Variants in GAS5 observed in about 807,000 individuals in gnomAD.
GAS5 encodes growth arrest specific 5 (non-protein coding).
At chr1:173,865,467 G>A (rs2235095) in intron 6 of GAS5, 53,135 of 507,852 alleles carry the variant, frequency 0.1, 3,576 homozygotes, top group East Asian at 0.33. Flanking sequence ...AATAAAACAT[G>A]TACCTTTAAA....
chr1:173,866,897 C>A (rs1376747115), intron 1 of GAS5: 1 of 765,464 alleles, frequency 1.3e-6, no homozygotes, highest in East Asian at 2.4e-5. Context: ...AATAGAATTT[C>A]AGAAATCCCT....
At chr1:173,866,194 TTCTG>T (rs1284162895) in exon 4 of GAS5, 27 of 470,748 alleles carry the variant, frequency 5.7e-5, no homozygotes, top group Middle Eastern at 3.6e-4. Flanking sequence ...ACTTCCAGCT[TTCTG>T]TCTAATGCCT....
At chr1:173,867,419 G>A, upstream of GAS5, 1 of 361,636 alleles carries the variant, frequency 2.8e-6, no homozygotes, top group Non-Finnish European at 5.4e-6. Context: ...GGGAGGCTGA[G>A]GCAGAACTGC....
upstream of GAS5, chr1:173,867,960 C>G (rs1199473133): frequency 2.9e-6 from 1 of 346,460 alleles, no homozygotes; most frequent in Admixed American, 3.7e-5. Flanking sequence ...TAAAACATAC[C>G]TCACAGGAGT....
At chr1:173,867,226 C>G (rs568454831), upstream of GAS5, 12 of 535,020 alleles carry the variant, frequency 2.2e-5, no homozygotes, top group East Asian at 3.6e-4. Flanking sequence ...CAGTTAAGAA[C>G]CACCGATGGC....
chr1:173,864,330 C>G (rs762327616), intron 6 of GAS5: 3 of 516,854 alleles, frequency 5.8e-6, no homozygotes, highest in Non-Finnish European at 1.2e-5. Context: ...ACATATTAAT[C>G]AGGGCAAAAT....
chr1:173,866,433 AAG>A (rs1386226235), intron 3 of GAS5: 20 of 598,534 alleles, frequency 3.3e-5, no homozygotes, highest in East Asian at 7.5e-5. Flanking sequence ...CTCATTTGAA[AAG>A]AGGGGAGAGA....
chr1:173,865,876 C>A, exon 5 of GAS5: 1 of 518,098 alleles, frequency 1.9e-6, no homozygotes, highest in Non-Finnish European at 3.9e-6. Flanking sequence ...TAAGCTGGTC[C>A]AGGCAAGTTG....
chr1:173,867,940 T>C (rs1655072708), upstream of GAS5: 5 of 360,428 alleles, frequency 1.4e-5, no homozygotes, highest in Admixed American at 1.1e-4. Flanking sequence ...ACCCGCAACA[T>C]TCGCAAAGAT....
intron 5 of GAS5, chr1:173,865,663 G>A (rs1654474299): frequency 1.9e-6 from 1 of 519,080 alleles, no homozygotes; most frequent in African/African-American, 1.9e-5. Flanking sequence ...TTTCAGGTCA[G>A]ACATTTGATC....
intron 6 of GAS5, chr1:173,865,291 A>G (rs1432417443): frequency 1.2e-5 from 5 of 432,100 alleles, no homozygotes; most frequent in East Asian, 6.3e-5. Context: ...ACCTGTAGAA[A>G]TTTAATCTCC....
intron 6 of GAS5, chr1:173,864,420 T>A (rs1654238649): frequency 1.9e-6 from 1 of 519,100 alleles, no homozygotes; most frequent in African/African-American, 1.9e-5. Context: ...TATATTTCAT[T>A]TGGCAGAATC....
chr1:173,866,625 C>A (rs764889194), intron 2 of GAS5: 4 of 764,034 alleles, frequency 5.2e-6, no homozygotes, highest in South Asian at 1.4e-5. Flanking sequence ...CCCAACTCAC[C>A]ATTTTGGGTG....
chr1:173,867,901 T>A, upstream of GAS5: 1 of 391,220 alleles, frequency 2.6e-6, no homozygotes, highest in Non-Finnish European at 5.2e-6. Context: ...CAGGGTGACC[T>A]TAGCAGACAA....
At chr1:173,866,480 AT>A (rs1654671190) in intron 3 of GAS5, 1 of 649,090 alleles carries the variant, frequency 1.5e-6, no homozygotes, top group Admixed American at 2.0e-5. Flanking sequence ...TGCTTTGGCT[AT>A]TTTCTAATCC....
At chr1:173,867,774 T>TAGG, upstream of GAS5, 1 of 519,132 alleles carries the variant, frequency 1.9e-6, no homozygotes, top group Non-Finnish European at 3.8e-6. Flanking sequence ...TCTCCGCAGT[T>TAGG]CTACTCTAAC....
At chr1:173,867,569 T>A, upstream of GAS5, 1 of 501,014 alleles carries the variant, frequency 2.0e-6, no homozygotes, top group Non-Finnish European at 4.0e-6. Context: ...ATGCAGGCAC[T>A]TAAGCACGTG....
At chr1:173,867,879 T>C, upstream of GAS5, 1 of 425,210 alleles carries the variant, frequency 2.4e-6, no homozygotes, top group Non-Finnish European at 4.8e-6. Context: ...GGCTTAGAAG[T>C]CCCAGTCAAT....
upstream of GAS5, chr1:173,868,898 T>A (rs1655272623): frequency 6.5e-6 from 1 of 152,794 alleles, no homozygotes; most frequent in Non-Finnish European, 1.5e-5. Context: ...GCCAACCCCA[T>A]GCCGTTCCCA....
Sources: allele counts gnomAD v4.1 joint callset, GRCh38; gene constraint gnomAD v4.1.1; transcripts MANE v1.5; gene names NCBI Gene and HGNC (gene_info 2026-07-23, HGNC 2026-07-21).